The following CACNA2D3 variants were observed in gnomAD, a reference collection of about 807,000 sequenced individuals.
The protein encoded by CACNA2D3 is voltage-dependent calcium channel subunit alpha-2/delta-3.
CACNA2D3 carries 60 observed loss-of-function variants against 160.6 expected under a neutral mutation model. That is an observed-to-expected ratio of 0.37 (90% CI 0.30 to 0.46). The LOEUF is 0.46. Ranked by LOEUF, CACNA2D3 falls within the 20% of genes least tolerant of loss-of-function variation. The pLI is 1.00. For synonymous variants in CACNA2D3, 558 were observed against 492.9 expected (o/e 1.13, Z -1.75); for missense variants, 1,205 against 1,365.0 (o/e 0.88, Z 1.85).
intron 27 of CACNA2D3, among the ~76,000 whole-genome samples, chr3:54,951,332 C>G (rs1701752106): frequency 6.6e-6 from 1 of 152,242 alleles, no homozygotes; most frequent in Non-Finnish European, 1.5e-5. Context: ...ACCCATCTCT[C>G]TCTTTCACAG....
intron 5 of CACNA2D3, among the ~76,000 whole-genome samples, chr3:54,518,999 T>C (rs1333567840): frequency 6.8e-5 from 1 of 14,698 alleles, no homozygotes; most frequent in African/African-American, 3.3e-4. Flanking sequence ...CCTAAGAACC[T>C]CACAGGGTGT....
chr3:55,049,781 G>C (rs1461296490), intron 35 of CACNA2D3, among the ~76,000 whole-genome samples: 1 of 149,672 alleles, frequency 6.7e-6, no homozygotes, highest in Admixed American at 6.6e-5. Context: ...ATGAATCTGG[G>C]TGCTCCTGTA....
At chr3:54,773,836 A>G (rs1211086173) in intron 13 of CACNA2D3, among the ~76,000 whole-genome samples, 1 of 152,224 alleles carries the variant, frequency 6.6e-6, no homozygotes, top group East Asian at 1.9e-4. Context: ...TAAAATTATT[A>G]TCTTCAGAAA....
intron 4 of CACNA2D3, among the ~76,000 whole-genome samples, chr3:54,401,196 G>A (rs1699456919): frequency 6.6e-6 from 1 of 151,334 alleles, no homozygotes; most frequent in South Asian, 2.1e-4. Flanking sequence ...CTAGTCAACG[G>A]AAAAAAAAGA....
chr3:54,215,259 A>G (rs1156531780), intron 2 of CACNA2D3, among the ~76,000 whole-genome samples: 2 of 152,230 alleles, frequency 1.3e-5, no homozygotes, highest in African/African-American at 4.8e-5. Context: ...GTTTTGATTA[A>G]TCTGTGTCTA....
chr3:54,838,085 C>T (rs1343519905), intron 15 of CACNA2D3, among the ~76,000 whole-genome samples: 1 of 152,130 alleles, frequency 6.6e-6, no homozygotes, highest in East Asian at 1.9e-4. Flanking sequence ...TCACCTTGGT[C>T]CTCAGTTGGT....
chr3:54,712,869 A>G (rs953149683), intron 11 of CACNA2D3, among the ~76,000 whole-genome samples: 1 of 152,206 alleles, frequency 6.6e-6, no homozygotes, highest in Admixed American at 6.5e-5. Context: ...CATTGGTCCC[A>G]TGGGATAACT....
chr3:54,321,037 T>C (rs970876924), intron 3 of CACNA2D3, among the ~76,000 whole-genome samples: 42 of 152,140 alleles, frequency 2.8e-4, no homozygotes, highest in African/African-American at 9.6e-4. Context: ...AAGTTTTTAT[T>C]GGCCGGGCGC....
intron 11 of CACNA2D3, among the ~76,000 whole-genome samples, chr3:54,722,437 A>G (rs1701185385): frequency 6.6e-6 from 1 of 152,094 alleles, no homozygotes; most frequent in African/African-American, 2.4e-5. Flanking sequence ...TTCTCTGTCC[A>G]GTTTTGTTCC....
intron 5 of CACNA2D3, among the ~76,000 whole-genome samples, chr3:54,518,157 C>A (rs1701583988): frequency 6.6e-6 from 1 of 152,158 alleles, no homozygotes; most frequent in African/African-American, 2.4e-5. Flanking sequence ...AAATGCAGAG[C>A]TGAGACTAAC....
chr3:55,056,578 G>A (rs1332128606), intron 35 of CACNA2D3, among the ~76,000 whole-genome samples: 1 of 152,174 alleles, frequency 6.6e-6, no homozygotes, highest in Admixed American at 6.5e-5. Context: ...TAGATGAATG[G>A]ATAAGGAAAA....
Position 54,872,794 on chromosome 3 carries a change from A to G in CACNA2D3, c.1710+1172A>G, listed in dbSNP as rs185193372. On this transcript the variant is annotated intron_variant, in intron 18 of 37. Transcript: ENST00000474759. ...AGACAAAATAACTTTGCCATTTGAT[A>G]AAAGCTCCTTCCTCCTCCATACCCT... Among the ~76,000 whole-genome samples, 7 of 152,316 alleles carry G rather than the reference A, an allele frequency of 4.6e-5. No individual in the cohort carries two copies. The East Asian group carries it at 1.4e-3, about 30-fold the overall frequency.
At chr3:54,484,291 A>G (rs1700979801) in intron 4 of CACNA2D3, among the ~76,000 whole-genome samples, 1 of 152,094 alleles carries the variant, frequency 6.6e-6, no homozygotes, top group South Asian at 2.1e-4. Flanking sequence ...CCTATTCTCC[A>G]TGACCCCCTC....
intron 2 of CACNA2D3, among the ~76,000 whole-genome samples, chr3:54,148,636 C>T (rs1700082709): frequency 6.6e-6 from 1 of 152,134 alleles, no homozygotes; most frequent in Non-Finnish European, 1.5e-5. Context: ...AGATAAGAAG[C>T]TTTCACCGTG....
intron 3 of CACNA2D3, among the ~76,000 whole-genome samples, chr3:54,376,889 G>C (rs560871072): frequency 6.6e-6 from 1 of 152,186 alleles, no homozygotes; most frequent in Non-Finnish European, 1.5e-5. Context: ...TGGTTGGATA[G>C]TTGGAAGGAA....
chr3:54,131,149 G>A (rs866534008), intron 2 of CACNA2D3, among the ~76,000 whole-genome samples: 3 of 152,210 alleles, frequency 2.0e-5, no homozygotes, highest in African/African-American at 7.2e-5. Context: ...TGTGGGGCCT[G>A]GCTGCATACA....
At chr3:54,154,885 G>T (rs1029269465) in intron 2 of CACNA2D3, among the ~76,000 whole-genome samples, 2 of 151,844 alleles carry the variant, frequency 1.3e-5, no homozygotes, top group African/African-American at 4.8e-5. Flanking sequence ...TCAGTCATTT[G>T]GTTTTACCTT....
intron 4 of CACNA2D3, among the ~76,000 whole-genome samples, chr3:54,478,423 G>A (rs1700867376): frequency 6.6e-6 from 1 of 151,726 alleles, no homozygotes; most frequent in African/African-American, 2.4e-5. Flanking sequence ...ATGAGGTCAG[G>A]AGATTGAGAC....
At position 54,778,120 on chromosome 3, in the gene CACNA2D3, G is replaced by A. The variant is rs931603270; in HGVS notation, c.1380+13769G>A. 1.1e-4 allele frequency among the ~76,000 whole-genome samples: 16 copies of A among 152,202 alleles called. 1 individual carries two copies. The highest frequency in any genetic ancestry group is 3.1e-4 in the African/African-American group (13 of 41,544). On this transcript the variant is annotated intron_variant, in intron 13 of 37. Transcript: ENST00000474759. ...CAGAAGGCAAAGGGGAAGCAGGCAC[G>A]TCCTACGTGGCTGGAGCAGAAGGAA... is the stretch of plus-strand genomic sequence containing the variant.
Sources: allele counts gnomAD v4.1 joint callset (sites outside exome capture counted in the v4.1 genomes callset), GRCh38; gene constraint gnomAD v4.1.1; transcripts MANE v1.5; gene names NCBI Gene and HGNC (gene_info 2026-07-23, HGNC 2026-07-21).